Variants in TPH2 observed in about 807,000 individuals in gnomAD.
TPH2 encodes the protein tryptophan 5-hydroxylase 2.
TPH2 carries 27 observed loss-of-function variants against 59.1 expected under a neutral mutation model. The ratio of observed to expected loss-of-function variants is 0.46; its 90% confidence interval spans 0.34 to 0.63. TPH2 has a LOEUF of 0.63. TPH2 is among the 30% of genes least tolerant of loss of function. The pLI, the probability that TPH2 is intolerant of heterozygous loss-of-function variation, is 0.01. For missense variants in TPH2, 523 were observed against 588.3 expected, an observed-to-expected ratio of 0.89 and a Z score of 1.15; for synonymous variants, 220 against 210.5, an observed-to-expected ratio of 1.05 and a Z score of -0.39.
At chr12:71,983,916 A>T (rs1238459137) in intron 7 of TPH2, among the ~76,000 whole-genome samples, 1 of 152,194 alleles carries the variant, frequency 6.6e-6, no homozygotes, top group African/African-American at 2.4e-5. Flanking sequence ...CCAGTCTGCA[A>T]GGTAGGAACG....
chr12:72,006,720 G>A (rs1444146189), intron 8 of TPH2, among the ~76,000 whole-genome samples: 1 of 152,082 alleles, frequency 6.6e-6, no homozygotes, highest in African/African-American at 2.4e-5. Context: ...CTGGAAAAAT[G>A]GTTCAGAGGA....
chr12:71,996,198 A>G (rs1341697520), intron 8 of TPH2, among the ~76,000 whole-genome samples: 1 of 152,190 alleles, frequency 6.6e-6, no homozygotes, highest in Non-Finnish European at 1.5e-5. Flanking sequence ...TCGGTTCCTC[A>G]CCGTGTGGGC....
Position 72,031,844 on chromosome 12 carries a change from G to T in TPH2, c.*149G>T. 1.1e-6 allele frequency: 1 copy of T among 877,442 alleles called. No individual in the cohort carries two copies. The highest frequency in any genetic ancestry group is 1.9e-6 in the Non-Finnish European group (1 of 537,454). 54.4% of individuals were successfully genotyped at this position (877,442 alleles called of 1,614,324 possible). Reference sequence around the variant, plus strand: ...TCTATACCATCTTGTAACTCACTGTGTTAGTATATAAAGCACCATAAGAAA... The same window carrying T: ...TCTATACCATCTTGTAACTCACTGTTTTAGTATATAAAGCACCATAAGAAA... On this transcript the variant is annotated 3_prime_UTR_variant, in exon 11 of 11. Transcript: ENST00000333850.
At chr12:71,940,539 A>T (rs1871028590) in intron 1 of TPH2, among the ~76,000 whole-genome samples, 1 of 152,200 alleles carries the variant, frequency 6.6e-6, no homozygotes, top group South Asian at 2.1e-4. Flanking sequence ...GATTGTATTA[A>T]ATCACCATTT....
At chr12:71,970,231 T>A (rs1464741157) in intron 5 of TPH2, among the ~76,000 whole-genome samples, 1 of 152,084 alleles carries the variant, frequency 6.6e-6, no homozygotes, top group East Asian at 1.9e-4. Flanking sequence ...CTTACTTGGG[T>A]TTAGGGTAGG....
At chr12:71,987,878 A>G (rs1872483434) in intron 7 of TPH2, among the ~76,000 whole-genome samples, 1 of 152,110 alleles carries the variant, frequency 6.6e-6, no homozygotes, top group Non-Finnish European at 1.5e-5. Context: ...AATATAAGAG[A>G]GAAGAAATCT....
At chr12:72,005,119 G>C (rs926999735) in intron 8 of TPH2, among the ~76,000 whole-genome samples, 2 of 152,144 alleles carry the variant, frequency 1.3e-5, no homozygotes, top group Non-Finnish European at 2.9e-5. Flanking sequence ...ACGTCTCCTA[G>C]AAAATGGAAA....
chr12:71,998,257 C>A (rs1872740104), intron 8 of TPH2, among the ~76,000 whole-genome samples: 1 of 152,158 alleles, frequency 6.6e-6, no homozygotes, highest in Non-Finnish European at 1.5e-5. Context: ...CCTTCCAGTT[C>A]CAAATTTTCC....
At chr12:71,983,000 C>G (rs1872327957) in intron 7 of TPH2, among the ~76,000 whole-genome samples, 2 of 152,012 alleles carry the variant, frequency 1.3e-5, no homozygotes, top group Non-Finnish European at 2.9e-5. Flanking sequence ...CACTAGAAAC[C>G]AAACCTTGCC....
chr12:71,953,498 C>A (rs1222288643), intron 5 of TPH2, among the ~76,000 whole-genome samples: 2 of 152,088 alleles, frequency 1.3e-5, no homozygotes, highest in African/African-American at 4.8e-5. Flanking sequence ...TGCCATGTAG[C>A]AAGTAAGGTT....
At chr12:72,020,288 C>G (rs1873373690) in intron 8 of TPH2, among the ~76,000 whole-genome samples, 1 of 152,142 alleles carries the variant, frequency 6.6e-6, no homozygotes, top group African/African-American at 2.4e-5. Context: ...AAACCTTGTC[C>G]TAAATGAACA....
At chr12:71,945,763 A>T (rs1040424766) in intron 4 of TPH2, among the ~76,000 whole-genome samples, 1 of 152,180 alleles carries the variant, frequency 6.6e-6, no homozygotes, top group African/African-American at 2.4e-5. Context: ...ATTTGACATA[A>T]TATACCAACT....
At chr12:71,942,635 C>T (rs560724526) in intron 2 of TPH2, among the ~76,000 whole-genome samples, 1 of 152,236 alleles carries the variant, frequency 6.6e-6, no homozygotes, top group South Asian at 2.1e-4. Flanking sequence ...ATTAATAATT[C>T]CTACCTAACA....
At chr12:72,012,434 T>C (rs1286430249) in intron 8 of TPH2, among the ~76,000 whole-genome samples, 1 of 152,188 alleles carries the variant, frequency 6.6e-6, no homozygotes, top group East Asian at 1.9e-4. Flanking sequence ...AGGTGGAATC[T>C]GCAAAGAGCA....
At chr12:72,019,048 C>T (rs971845459) in intron 8 of TPH2, among the ~76,000 whole-genome samples, 1 of 152,152 alleles carries the variant, frequency 6.6e-6, no homozygotes, top group African/African-American at 2.4e-5. Flanking sequence ...TGTATGATTA[C>T]TTCCCTTCAT....
intron 7 of TPH2, among the ~76,000 whole-genome samples, chr12:71,981,572 T>A (rs1872277985): frequency 1.3e-5 from 2 of 151,998 alleles, no homozygotes; most frequent in Non-Finnish European, 2.9e-5. Flanking sequence ...ACCATAGAGA[T>A]GGAAGTAACA....
At chr12:72,011,419 T>C (rs891578059) in intron 8 of TPH2, among the ~76,000 whole-genome samples, 3 of 152,184 alleles carry the variant, frequency 2.0e-5, no homozygotes, top group Admixed American at 6.5e-5. Flanking sequence ...CACAGATTCA[T>C]CTCCAAGAAA....
intron 7 of TPH2, among the ~76,000 whole-genome samples, chr12:71,982,015 A>AATTTTTTTTTTTTTTTTTTTTTTTTT (rs1183784824): frequency 5.0e-5 from 3 of 60,492 alleles, no homozygotes; most frequent in African/African-American, 1.8e-4. Context: ...TATCATTCGT[A>AATTTTTTTTTTTTTTTTTTTTTTTTT]TTTTTTTTTT....
intron 8 of TPH2, among the ~76,000 whole-genome samples, chr12:72,020,226 G>A (rs1361330174): frequency 6.6e-6 from 1 of 152,158 alleles, no homozygotes; most frequent in Non-Finnish European, 1.5e-5. Flanking sequence ...CCATGTACAG[G>A]ACAGACTCCC....
Sources: allele counts gnomAD v4.1 joint callset (sites outside exome capture counted in the v4.1 genomes callset), GRCh38; gene constraint gnomAD v4.1.1; transcripts MANE v1.5; gene names NCBI Gene and HGNC (gene_info 2026-07-23, HGNC 2026-07-21).